Variants in TNPO1 observed in about 807,000 individuals in gnomAD.
TNPO1 encodes transportin-1.
A neutral mutation model predicts 119.5 loss-of-function variants in TNPO1; 8 were observed. That is an observed-to-expected ratio of 0.07 (90% confidence interval 0.04 to 0.12). The LOEUF is 0.12. Among genes scored for constraint, TNPO1 ranks in the 10% least tolerant of loss-of-function variants. The pLI is 1.00. For missense variants in TNPO1, 576 were observed against 1,089.8 expected (o/e 0.53, Z 6.64); for synonymous variants, 362 against 363.0 (o/e 1.00, Z 0.03).
At chr5:72,892,029 G>C in intron 15 of TNPO1, 133 bp downstream of exon 15, 2 of 631,592 alleles carry the variant, frequency 3.2e-6, no homozygotes. Context: ...GATACATACT[G>C]TTCTCTAACC....
intron 24 of TNPO1, among the ~76,000 whole-genome samples, chr5:72,908,062 T>C (rs1387672445): frequency 6.6e-6 from 1 of 152,044 alleles, no homozygotes; most frequent in African/African-American, 2.4e-5. Flanking sequence ...CCAAAATAAA[T>C]AAATAAATGT....
Position 72,901,144 on chromosome 5 carries a change from C to T in TNPO1, c.2514+71C>T, listed in dbSNP as rs1246461858. ...TTTTAAAGGAAGAAACATTCTAATACTTTAATTATAAAAAGTTAACTATTT... is the reference window on the plus strand; with the variant it reads ...TTTTAAAGGAAGAAACATTCTAATATTTTAATTATAAAAAGTTAACTATTT... On this transcript the variant is annotated intron_variant, in intron 22 of 24. Transcript: ENST00000337273. The T allele has an allele frequency of 6.5e-6, 6 of 917,412 alleles. No homozygotes were observed. In the East Asian group the frequency reaches 1.8e-4, roughly 27 times the overall value. The allele number at this position is 917,412 out of a possible 1,614,324, so 56.8% of individuals were successfully genotyped here.
intron 18 of TNPO1, among the ~76,000 whole-genome samples, chr5:72,894,133 T>C (rs1371896386): frequency 9.2e-5 from 14 of 152,214 alleles, no homozygotes; most frequent in Non-Finnish European, 5.9e-5. Context: ...AATGTCACTT[T>C]AACTGAGACT....
intron 8 of TNPO1, 51 bp from the exon 9 acceptor site, chr5:72,877,177 C>T (rs1195535786): frequency 4.2e-6 from 4 of 961,834 alleles, no homozygotes; most frequent in Non-Finnish European, 6.4e-6. Flanking sequence ...TGAATTGATA[C>T]TAATGGTGTG....
chr5:72,887,090 C>T lies in TNPO1; in HGVS notation c.1171C>T (p.Leu391=), dbSNP rs767189517. 8.1e-6 allele frequency: 13 copies of T among 1,611,100 alleles called. No homozygotes were observed. Among genetic ancestry groups the T allele is most frequent in the Non-Finnish European group, 1.1e-5 (13 of 1,178,290 alleles). ...CTTAGGAAAATGTTCTGCTGCTGCC[C>T]TGGATGTTCTTGCAAATGTGTATCG... ...WNLRKCSAAA[L]DVLANVYRDE... is the part of the protein sequence containing the mutation. The change falls in exon 12 of 25, where the codon CTG becomes TTG. Residue 391 remains leucine, a synonymous_variant. Coordinates refer to ENST00000337273, the MANE Select transcript of TNPO1 (RefSeq NM_002270.4).
rs2112528645 is a variant in TNPO1 at position 72,911,050 on chromosome 5, T to G, written c.*2377T>G. 6.6e-6 allele frequency: 1 copy of G among 152,204 alleles called. No homozygotes were observed. The highest frequency in any genetic ancestry group is 2.1e-4 in the South Asian group (1 of 4,828). 9.4% of individuals were successfully genotyped at this position (152,204 alleles called of 1,614,324 possible). ...TAGAGTAGCTTTTTTATTCTTAGAT[T>G]ATAGTGATATTCTGTAGTGCTTCAA... On this transcript the variant is annotated 3_prime_UTR_variant, in exon 25 of 25. Coordinates refer to ENST00000337273, the MANE Select transcript of TNPO1 (RefSeq NM_002270.4).
At chr5:72,860,678 GGA>G (rs1384903683) in intron 4 of TNPO1, among the ~76,000 whole-genome samples, 1 of 152,208 alleles carries the variant, frequency 6.6e-6, no homozygotes, top group East Asian at 1.9e-4. Flanking sequence ...CCTACATGAG[GGA>G]GAGTGTTGTA....
intron 3 of TNPO1, among the ~76,000 whole-genome samples, chr5:72,855,116 C>T (rs972191015): frequency 2.6e-5 from 4 of 152,028 alleles, no homozygotes; most frequent in African/African-American, 9.7e-5. Context: ...CTGCCTCCGC[C>T]TCCCAAGCAG....
rs1408168305 is a variant in TNPO1, at chr5:72,839,969, G to GAAAA, written c.16-8416_16-8415insAAAA. Among the ~76,000 whole-genome samples, 301 of 152,276 alleles carry GAAAA rather than the reference G, an allele frequency of 2.0e-3. 3 individuals are homozygous for GAAAA. Among genetic ancestry groups the GAAAA allele is most frequent in the African/African-American group, 7.0e-3 (291 of 41,556 alleles). On this transcript the variant is annotated intron_variant, in intron 1 of 24. Transcript: ENST00000337273. ...TATCTGGGAGGTGTTACTCCTATCA[G>GAAAA]CCTTTTGTTTTCATTAAAAATGAAA... is the stretch of plus-strand genomic sequence containing the variant.
chr5:72,875,550 C>T (rs894940961), intron 7 of TNPO1, 65 bp from the exon 8 acceptor site: 4 of 1,536,462 alleles, frequency 2.6e-6, no homozygotes, highest in African/African-American at 1.4e-5. Flanking sequence ...CACCAACTTG[C>T]AGATTACTTA....
intron 7 of TNPO1, 60 bp downstream of exon 7, chr5:72,872,780 G>T (rs1747501745): frequency 5.8e-6 from 6 of 1,042,682 alleles, no homozygotes; most frequent in South Asian, 1.6e-5. Context: ...AGAAGGTTAG[G>T]TGATGCTAAC....
intron 20 of TNPO1, among the ~76,000 whole-genome samples, chr5:72,898,584 C>T (rs1042585770): frequency 2.6e-5 from 4 of 152,044 alleles, no homozygotes; most frequent in Admixed American, 6.5e-5. Context: ...TGGCTAATAT[C>T]TAGATTTTAG....
chr5:72,890,217 G>A (rs747959835), intron 14 of TNPO1, among the ~76,000 whole-genome samples: 29 of 152,114 alleles, frequency 1.9e-4, no homozygotes, highest in Non-Finnish European at 3.8e-4. Flanking sequence ...CTAAAGCAAA[G>A]GGATAAAAAA....
chr5:72,889,591 A>C (rs755883092), intron 13 of TNPO1, among the ~76,000 whole-genome samples, 195 bp from the exon 14 acceptor site: 6 of 152,166 alleles, frequency 3.9e-5, no homozygotes, highest in Non-Finnish European at 5.9e-5. Flanking sequence ...CAACATAATT[A>C]TCATTTATGG....
intron 1 of TNPO1, among the ~76,000 whole-genome samples, chr5:72,828,105 C>T (rs1018104127): frequency 3.3e-5 from 5 of 151,844 alleles, no homozygotes; most frequent in Non-Finnish European, 5.9e-5. Flanking sequence ...GGGGAGCCAG[C>T]GAAGGAGACA....
chr5:72,880,557 G>A (rs967084321), intron 9 of TNPO1, among the ~76,000 whole-genome samples: 6 of 152,162 alleles, frequency 3.9e-5, no homozygotes, highest in South Asian at 4.1e-4. Context: ...GCTTATGCCT[G>A]TAATCCCAGC....
chr5:72,892,051 A>G (rs1210638028), intron 15 of TNPO1, among the ~76,000 whole-genome samples, 155 bp downstream of exon 15: 1 of 152,104 alleles, frequency 6.6e-6, no homozygotes, highest in East Asian at 1.9e-4. Flanking sequence ...GCTTTACTTA[A>G]TTGATAATAA....
chr5:72,864,291 T>G (rs1435399855), intron 5 of TNPO1, among the ~76,000 whole-genome samples: 1 of 152,226 alleles, frequency 6.6e-6, no homozygotes, highest in Non-Finnish European at 1.5e-5. Context: ...TTTAAGATAT[T>G]ATAAAATCTA....
intron 11 of TNPO1, among the ~76,000 whole-genome samples, chr5:72,886,226 A>G (rs1011836446): frequency 1.3e-4 from 20 of 152,148 alleles, no homozygotes; most frequent in Non-Finnish European, 2.6e-4. Flanking sequence ...GGGTTGATTT[A>G]TAGTCCCATA....
Sources: gnomAD v4.1 joint callset for allele counts (sites outside exome capture counted in the v4.1 genomes callset) on GRCh38, gnomAD v4.1.1 for gene constraint, MANE v1.5 for transcripts, NCBI Gene and HGNC (gene_info 2026-07-23, HGNC 2026-07-21) for gene names.